Variants in TCF12 observed in about 807,000 individuals in gnomAD.
TCF12 encodes DNA-binding protein HTF4.
Under a neutral mutation model 86.0 loss-of-function variants are expected in TCF12, and 45 were observed. The observed-to-expected ratio is 0.52, with a 90% CI of 0.41 to 0.67. TCF12 has a LOEUF of 0.67. TCF12 is among the 30% of genes least tolerant of loss of function. The pLI is 0.00. For missense variants in TCF12, 881 were observed against 859.9 expected, an observed-to-expected ratio of 1.02 and a Z score of -0.31; for synonymous variants, 330 against 299.6, an observed-to-expected ratio of 1.10 and a Z score of -1.05.
chr15:57,251,183 T>C (rs1214638955), intron 13 of TCF12, 167 bp from the exon 14 acceptor site: 2 of 471,030 alleles, frequency 4.2e-6, no homozygotes, highest in South Asian at 4.7e-5. Context: ...TAATGAAAGA[T>C]TTTTTAAAAT....
chr15:57,241,356 T>G (rs563986678), intron 12 of TCF12, among the ~76,000 whole-genome samples: 42 of 152,222 alleles, frequency 2.8e-4, no homozygotes, highest in Admixed American at 2.6e-4. Flanking sequence ...CCTCCCAAAG[T>G]GCTGGGATTA....
At chr15:57,203,987 T>C (rs189780052) in intron 8 of TCF12, among the ~76,000 whole-genome samples, 2 of 149,232 alleles carry the variant, frequency 1.3e-5, no homozygotes, top group Admixed American at 1.3e-4. Flanking sequence ...AGAGGAAGAG[T>C]CTGCCTGCAA....
At chr15:57,189,744 C>G (rs1215603849) in intron 6 of TCF12, among the ~76,000 whole-genome samples, 1 of 152,030 alleles carries the variant, frequency 6.6e-6, no homozygotes, top group Admixed American at 6.6e-5. Context: ...GTTATATACC[C>G]AAAAGAATTG....
At chr15:57,217,843 C>T (rs755556558) in intron 8 of TCF12, among the ~76,000 whole-genome samples, 1 of 152,006 alleles carries the variant, frequency 6.6e-6, no homozygotes, top group Non-Finnish European at 1.5e-5. Flanking sequence ...AATTGTGAAT[C>T]AAAGCTTTTT....
At chr15:57,085,725 C>G (rs1052151445) in intron 4 of TCF12, among the ~76,000 whole-genome samples, 4 of 152,110 alleles carry the variant, frequency 2.6e-5, no homozygotes, top group Non-Finnish European at 4.4e-5. Context: ...TGCATTTATT[C>G]TTACTTTTTT....
At chr15:57,091,009 A>G (rs573485812) in intron 4 of TCF12, among the ~76,000 whole-genome samples, 7 of 152,320 alleles carry the variant, frequency 4.6e-5, no homozygotes, top group African/African-American at 1.4e-4. Context: ...TTAAAAAAAT[A>G]TGTTTTAAAC....
intron 8 of TCF12, among the ~76,000 whole-genome samples, chr15:57,205,110 C>T (rs1566912709): frequency 6.6e-6 from 1 of 151,934 alleles, no homozygotes; most frequent in African/African-American, 2.4e-5. Context: ...CCCAGGAGTT[C>T]GAGATCTGCC....
intron 6 of TCF12, among the ~76,000 whole-genome samples, chr15:57,169,128 C>T (rs2055117567): frequency 6.6e-6 from 1 of 152,138 alleles, no homozygotes; most frequent in Non-Finnish European, 1.5e-5. Context: ...TACAAAGAAT[C>T]CTGTAGGTTT....
rs199896225 is a variant in TCF12 at position 57,207,084 on chromosome 15, G to A, written c.579+9259G>A. On this transcript the variant is annotated intron_variant, in intron 8 of 20. Coordinates refer to ENST00000333725, the MANE Select transcript of TCF12 (RefSeq NM_207037.2). ...ATCACACCACTACACTCCAACCTGG[G>A]TAACAGAACAAGACCCTGTCCCCAA... Among the ~76,000 whole-genome samples the A allele has an allele frequency of 9.2e-5, 14 of 152,136 alleles. No homozygotes were observed. The East Asian group carries it at 2.7e-3, about 29-fold the overall frequency.
chr15:57,196,505 A>G (rs965723765), intron 7 of TCF12, among the ~76,000 whole-genome samples: 5 of 152,228 alleles, frequency 3.3e-5, no homozygotes, highest in African/African-American at 9.6e-5. Context: ...TACACTTTAC[A>G]TCAGCTTCCT....
chr15:57,091,245 G>C lies in TCF12; in HGVS notation c.223-544G>C, dbSNP rs567101132. Reference sequence around the variant, plus strand: ...GTTGAATATTTGCCATTTAGGAAAGGATTCATTTCTAGCATATTGATTGTG... The same window carrying C: ...GTTGAATATTTGCCATTTAGGAAAGCATTCATTTCTAGCATATTGATTGTG... On this transcript the variant is annotated intron_variant, in intron 4 of 20. Coordinates refer to ENST00000333725, the MANE Select transcript of TCF12 (RefSeq NM_207037.2). Among the ~76,000 whole-genome samples, 572 of 152,192 alleles carry C rather than the reference G, an allele frequency of 3.8e-3. 4 individuals are homozygous for C. Among genetic ancestry groups the C allele is most frequent in the African/African-American group, 0.013 (527 of 41,528 alleles).
At chr15:57,117,359 A>G (rs2050913700) in intron 5 of TCF12, among the ~76,000 whole-genome samples, 1 of 152,174 alleles carries the variant, frequency 6.6e-6, no homozygotes, top group Non-Finnish European at 1.5e-5. Context: ...AACCCAATAA[A>G]AGAGGTAGGA....
chr15:57,136,964 TTTTTTG>T (rs1282103962), intron 5 of TCF12, among the ~76,000 whole-genome samples: 702 of 15,898 alleles, frequency 0.044, 223 homozygotes, highest in African/African-American at 0.16. Flanking sequence ...GGCAGTTTTT[TTTTTTG>T]TTTTTTTTTT....
rs748523772 is a variant in TCF12 at position 57,273,224 on chromosome 15, C to T, written c.1940C>T (p.Ala647Val). 2 of 1,614,124 alleles carry T rather than the reference C, an allele frequency of 1.2e-6. No individual in the cohort carries two copies. The highest frequency in any genetic ancestry group is 1.3e-5 in the African/African-American group (1 of 75,048). Residue 647 changes from alanine (A) to valine (V), a missense_variant, in exon 19 of 21, where the codon GCC becomes GTC. By Grantham distance (64) the Ala-to-Val change is moderately conservative. This residue lies in a region of TCF12 where 46 missense variants were observed against 76.7 expected (regional missense o/e 0.60). Transcript: ENST00000333725. The stretch of plus-strand genomic sequence containing the variant: ...ACAAAACTCCTTATTCTTCATCAAG[C>T]CGTGGCAGTCATCCTTAGTCTAGAA... Reference protein sequence around the residue: ...PQTKLLILHQAVAVILSLEQQ... With the variant: ...PQTKLLILHQVVAVILSLEQQ...
chr15:57,031,564 C>T (rs1485003993), intron 3 of TCF12, among the ~76,000 whole-genome samples: 1 of 152,132 alleles, frequency 6.6e-6, no homozygotes, highest in Admixed American at 6.5e-5. Context: ...ATGGAGTGAA[C>T]ACACAGCACT....
chr15:57,216,276 A>G (rs1300134370), intron 8 of TCF12, among the ~76,000 whole-genome samples: 2 of 152,062 alleles, frequency 1.3e-5, no homozygotes, highest in African/African-American at 2.4e-5. Flanking sequence ...TTCACTAGTC[A>G]TTTTGCTAGT....
chr15:57,236,165 C>G (rs1477155279), intron 12 of TCF12, among the ~76,000 whole-genome samples: 1 of 152,118 alleles, frequency 6.6e-6, no homozygotes, highest in East Asian at 1.9e-4. Context: ...TCACTGCATG[C>G]CATAGTCTGC....
intron 4 of TCF12, among the ~76,000 whole-genome samples, chr15:57,064,711 G>A (rs940692798): frequency 2.0e-5 from 3 of 148,112 alleles, no homozygotes; most frequent in Non-Finnish European, 3.0e-5. Flanking sequence ...CAGGAGAATC[G>A]CTTGAACCTG....
At chr15:56,958,171 C>T (rs1010499270) in intron 3 of TCF12, among the ~76,000 whole-genome samples, 19 of 152,164 alleles carry the variant, frequency 1.2e-4, no homozygotes, top group African/African-American at 4.3e-4. Flanking sequence ...AGGTTCTCTG[C>T]CCTGCCGACT....
Sources: gnomAD v4.1 joint callset for allele counts (sites outside exome capture counted in the v4.1 genomes callset) on GRCh38, gnomAD v4.1.1 for gene constraint, gnomAD v4.1.1 regional missense constraint, MANE v1.5 for transcripts, NCBI Gene and HGNC (gene_info 2026-07-23, HGNC 2026-07-21) for gene names.